The following DENND1A variants were observed in gnomAD, a reference collection of about 807,000 sequenced individuals.
The protein encoded by DENND1A is DENN domain containing 1A.
A neutral mutation model predicts 113.7 loss-of-function variants in DENND1A; 51 were observed. That is an observed-to-expected ratio of 0.45 (90% confidence interval 0.36 to 0.57). DENND1A has a LOEUF of 0.57. Among genes scored for constraint, DENND1A ranks in the 20% least tolerant of loss-of-function variants. The pLI is 0.00. For missense variants in DENND1A, 1,258 were observed against 1,395.9 expected, an observed-to-expected ratio of 0.90 and a Z score of 1.57; for synonymous variants, 565 against 570.8, an observed-to-expected ratio of 0.99 and a Z score of 0.14.
At chr9:123,682,625 T>C (rs1043019388) in intron 5 of DENND1A, among the ~76,000 whole-genome samples, 1 of 151,846 alleles carries the variant, frequency 6.6e-6, no homozygotes, top group Admixed American at 6.5e-5. Context: ...GCATGGCACA[T>C]GCTGGGGAGA....
chr9:123,455,121 C>T (rs58667671), intron 15 of DENND1A, among the ~76,000 whole-genome samples: 7,463 of 152,258 alleles, frequency 0.049, 601 homozygotes, highest in African/African-American at 0.17. Flanking sequence ...CACGCTTGGC[C>T]GAAATTGCTT....
chr9:123,739,894 T>C (rs1315810669), intron 5 of DENND1A, among the ~76,000 whole-genome samples: 4 of 150,612 alleles, frequency 2.7e-5, no homozygotes, highest in African/African-American at 7.3e-5. Flanking sequence ...TTTTCCAGAG[T>C]GTGTTCTTAA....
At chr9:123,773,977 G>A (rs531382936) in intron 3 of DENND1A, among the ~76,000 whole-genome samples, 1 of 152,122 alleles carries the variant, frequency 6.6e-6, no homozygotes, top group Admixed American at 6.5e-5. Context: ...AGCCGATATA[G>A]CAGTTGATAA....
chr9:123,535,725 G>T (rs1042625392), intron 13 of DENND1A, among the ~76,000 whole-genome samples: 4 of 152,156 alleles, frequency 2.6e-5, no homozygotes. Context: ...CCTCTTTGGA[G>T]AACAGTACCA....
chr9:123,651,875 C>A, intron 9 of DENND1A, 138 bp downstream of exon 9: 2 of 583,950 alleles, frequency 3.4e-6, no homozygotes, highest in Non-Finnish European at 5.6e-6. Flanking sequence ...AAAAAATGAA[C>A]AATTAATGAA....
intron 11 of DENND1A, among the ~76,000 whole-genome samples, chr9:123,590,984 C>G (rs2059429096): frequency 6.6e-6 from 1 of 152,168 alleles, no homozygotes; most frequent in Non-Finnish European, 1.5e-5. Context: ...GGCTCCCTGT[C>G]CCCTAACTTT....
chr9:123,903,716 G>T (rs1460450962), intron 1 of DENND1A, among the ~76,000 whole-genome samples: 3 of 152,252 alleles, frequency 2.0e-5, no homozygotes, highest in Non-Finnish European at 1.5e-5. Flanking sequence ...GGCTCAGAGG[G>T]TCCTACACCC....
chr9:123,697,413 T>C (rs532900713), intron 5 of DENND1A, among the ~76,000 whole-genome samples: 2 of 152,232 alleles, frequency 1.3e-5, no homozygotes, highest in Non-Finnish European at 2.9e-5. Flanking sequence ...CCATAAGTTA[T>C]TGGGGTACAG....
At chr9:123,628,180 T>G (rs2138521595) in intron 10 of DENND1A, among the ~76,000 whole-genome samples, 1 of 151,990 alleles carries the variant, frequency 6.6e-6, no homozygotes, top group East Asian at 1.9e-4. Context: ...AGTGCAAATG[T>G]GAGCTCAGTG....
intron 5 of DENND1A, among the ~76,000 whole-genome samples, chr9:123,680,706 G>A (rs570061183): frequency 6.6e-6 from 1 of 152,344 alleles, no homozygotes; most frequent in African/African-American, 2.4e-5. Context: ...CTGGCCTTGT[G>A]TAAGTTCAGC....
At chr9:123,797,690 C>T (rs1479186840) in intron 2 of DENND1A, among the ~76,000 whole-genome samples, 1 of 151,958 alleles carries the variant, frequency 6.6e-6, no homozygotes, top group Non-Finnish European at 1.5e-5. Context: ...CACAATTATT[C>T]TAGTAAATTA....
intron 5 of DENND1A, among the ~76,000 whole-genome samples, chr9:123,691,537 G>C (rs1028905582): frequency 1.3e-5 from 2 of 148,892 alleles, no homozygotes; most frequent in Non-Finnish European, 3.0e-5. Context: ...GTCTCTTTGT[G>C]TGATTTTTTT....
intron 8 of DENND1A, among the ~76,000 whole-genome samples, chr9:123,661,040 CA>C (rs1466258983): frequency 1.3e-5 from 2 of 152,222 alleles, no homozygotes; most frequent in African/African-American, 4.8e-5. Context: ...AGCTGACAAG[CA>C]TGCGACTGAG....
rs540737492 is a variant in DENND1A, at chr9:123,398,204, C to T, written c.1631+5198G>A. Among the ~76,000 whole-genome samples, 14 of 152,314 alleles carry T rather than the reference C, an allele frequency of 9.2e-5. No homozygotes were observed. The East Asian group carries it at 1.7e-3, about 19-fold the overall frequency. On this transcript the variant is annotated intron_variant, in intron 21 of 23. Transcript: ENST00000394215. Reference sequence around the variant, plus strand: ...AGGGCCAGTGCCCCAGCCCCTACTGCCACTTCCCAGCAGGGAACAAATGAC... The same window carrying T: ...AGGGCCAGTGCCCCAGCCCCTACTGTCACTTCCCAGCAGGGAACAAATGAC...
chr9:123,683,686 G>A (rs1245559792), intron 5 of DENND1A, among the ~76,000 whole-genome samples: 1 of 152,148 alleles, frequency 6.6e-6, no homozygotes, highest in Non-Finnish European at 1.5e-5. Context: ...ACTCCCCATC[G>A]TTTATAATAC....
At chr9:123,563,469 A>G (rs141434454) in intron 12 of DENND1A, among the ~76,000 whole-genome samples, 2 of 152,308 alleles carry the variant, frequency 1.3e-5, no homozygotes, top group Non-Finnish European at 2.9e-5. Flanking sequence ...TCTGAGCTTT[A>G]GTTCTTTGGC....
chr9:123,812,567 A>C lies in DENND1A; in HGVS notation c.89-19937T>G, dbSNP rs368376841. Among the ~76,000 whole-genome samples the C allele has an allele frequency of 1.8e-4, 27 of 152,312 alleles. No individual in the cohort carries two copies. The East Asian group carries it at 3.1e-3, about 17-fold the overall frequency. Reference sequence around the variant, plus strand: ...CTTCCACTTCACTAGATATTATCAAAGCACATAAGAGTTTTTGCCCTTCCA... The same window carrying C: ...CTTCCACTTCACTAGATATTATCAACGCACATAAGAGTTTTTGCCCTTCCA... On this transcript the variant is annotated intron_variant, in intron 2 of 23. Transcript: ENST00000394215.
At chr9:123,705,244 G>A (rs892146929) in intron 5 of DENND1A, among the ~76,000 whole-genome samples, 1 of 152,092 alleles carries the variant, frequency 6.6e-6, no homozygotes, top group African/African-American at 2.4e-5. Context: ...ACGACTTATT[G>A]GAGAAATGCT....
intron 5 of DENND1A, among the ~76,000 whole-genome samples, chr9:123,722,135 A>C (rs1353918566): frequency 5.9e-5 from 9 of 152,202 alleles, no homozygotes; most frequent in Non-Finnish European, 1.2e-4. Flanking sequence ...GAACTGGAGC[A>C]AAAGTGACTC....
Sources: gnomAD v4.1 joint callset for allele counts (sites outside exome capture counted in the v4.1 genomes callset) on GRCh38, gnomAD v4.1.1 for gene constraint, MANE v1.5 for transcripts, NCBI Gene and HGNC (gene_info 2026-07-23, HGNC 2026-07-21) for gene names.